JAZF1: variants seen among roughly 807,000 people sequenced by gnomAD.
JAZF1 encodes juxtaposed with another zinc finger protein 1.
A neutral mutation model predicts 26.4 loss-of-function variants in JAZF1; 8 were observed. The ratio of observed to expected loss-of-function variants is 0.30; its 90% CI spans 0.18 to 0.55. The LOEUF (loss-of-function observed/expected upper bound fraction) is 0.55. Ranked by LOEUF, JAZF1 falls within the 20% of genes least tolerant of loss-of-function variation. The probability of loss-of-function intolerance (pLI) is 0.94; values close to 1 mark genes in which losing one functional copy is unlikely to be tolerated. For synonymous variants in JAZF1, 126 were observed against 122.3 expected (o/e 1.03, Z -0.20); for missense variants, 199 against 322.0 (o/e 0.62, Z 2.92).
At chr7:28,158,245 G>A (rs988946467) in intron 1 of JAZF1, among the ~76,000 whole-genome samples, 1 of 151,020 alleles carries the variant, frequency 6.6e-6, no homozygotes, top group East Asian at 2.0e-4. Flanking sequence ...ATGCTGCCTG[G>A]GCCTCACCCA....
chr7:27,923,510 C>T (rs1266451459), intron 2 of JAZF1, among the ~76,000 whole-genome samples: 1 of 152,218 alleles, frequency 6.6e-6, no homozygotes, highest in African/African-American at 2.4e-5. Flanking sequence ...CTCCTTCATC[C>T]GGCTTATCTC....
At chr7:27,934,466 TAC>T (rs10578145) in intron 2 of JAZF1, among the ~76,000 whole-genome samples, 127,136 of 150,600 alleles carry the variant, frequency 0.84, 54,436 homozygotes, top group South Asian at 0.94. Flanking sequence ...TTACCATACA[TAC>T]ACACACACAC....
chr7:28,024,935 C>T (rs761415466), intron 1 of JAZF1, among the ~76,000 whole-genome samples: 13 of 152,202 alleles, frequency 8.5e-5, no homozygotes, highest in Non-Finnish European at 1.6e-4. Context: ...CCAGCAGAAT[C>T]ATAGACTGAG....
At chr7:28,005,330 T>C (rs574727435) in intron 1 of JAZF1, among the ~76,000 whole-genome samples, 7 of 152,172 alleles carry the variant, frequency 4.6e-5, no homozygotes, top group Admixed American at 3.9e-4. Context: ...TAGTTTTGTA[T>C]TTCGGAAGCC....
At chr7:28,092,653 G>A (rs1368474552) in intron 1 of JAZF1, among the ~76,000 whole-genome samples, 1 of 151,730 alleles carries the variant, frequency 6.6e-6, no homozygotes, top group African/African-American at 2.4e-5. Context: ...GTCCAGCCTG[G>A]GCAACATAGT....
At chr7:28,028,066 T>C (rs1783122795) in intron 1 of JAZF1, among the ~76,000 whole-genome samples, 1 of 152,226 alleles carries the variant, frequency 6.6e-6, no homozygotes. Context: ...ATTTGAAAGT[T>C]TGGTCTCAGG....
At chr7:28,179,455 G>T (rs1448343764) in intron 1 of JAZF1, among the ~76,000 whole-genome samples, 1 of 151,976 alleles carries the variant, frequency 6.6e-6, no homozygotes, top group Non-Finnish European at 1.5e-5. Flanking sequence ...GGGGCGCTGC[G>T]CAGGCCGCCG....
intron 1 of JAZF1, among the ~76,000 whole-genome samples, chr7:28,151,643 A>C (rs550998349): frequency 4.5e-4 from 69 of 151,990 alleles, no homozygotes; most frequent in Middle Eastern, 3.4e-3. Context: ...TCTACTAAAA[A>C]AATACAAAGT....
At chr7:27,990,618 C>A (rs1308935654) in intron 2 of JAZF1, among the ~76,000 whole-genome samples, 2 of 152,082 alleles carry the variant, frequency 1.3e-5, no homozygotes, top group Non-Finnish European at 2.9e-5. Context: ...TATTAGAAGT[C>A]CTATTCAATA....
At chr7:27,878,452 CT>C (rs1026656532) in intron 3 of JAZF1, among the ~76,000 whole-genome samples, 4 of 151,968 alleles carry the variant, frequency 2.6e-5, no homozygotes, top group African/African-American at 9.7e-5. Context: ...CTGTTTTTTT[CT>C]TGTCTTTCTA....
chr7:27,877,497 G>A (rs1445147848), intron 3 of JAZF1, among the ~76,000 whole-genome samples: 1 of 152,100 alleles, frequency 6.6e-6, no homozygotes, highest in Admixed American at 6.5e-5. Context: ...GGCCAATAGA[G>A]GTAGGTGGTT....
chr7:28,155,121 G>A (rs1412775090), intron 1 of JAZF1, among the ~76,000 whole-genome samples: 2 of 152,114 alleles, frequency 1.3e-5, no homozygotes, highest in Admixed American at 6.5e-5. Context: ...ATGATTGGGA[G>A]GGGGGATGGA....
intron 1 of JAZF1, among the ~76,000 whole-genome samples, chr7:28,135,580 A>G (rs554457435): frequency 1.3e-5 from 2 of 152,322 alleles, no homozygotes; most frequent in East Asian, 1.9e-4. Flanking sequence ...CCCCCCACAC[A>G]TGGACATCTG....
intron 1 of JAZF1, among the ~76,000 whole-genome samples, chr7:27,999,109 T>C (rs752761925): frequency 1.3e-5 from 2 of 152,196 alleles, no homozygotes; most frequent in Non-Finnish European, 2.9e-5. Flanking sequence ...CCATAATGGC[T>C]GCAAGATATG....
At chr7:28,155,277 TGAG>T (rs1173775518) in intron 1 of JAZF1, among the ~76,000 whole-genome samples, 1 of 152,226 alleles carries the variant, frequency 6.6e-6, no homozygotes, top group Admixed American at 6.5e-5. Context: ...GTGCAGAATA[TGAG>T]GAGAACTCAT....
chr7:27,878,804 T>G (rs1783722824), intron 3 of JAZF1, among the ~76,000 whole-genome samples: 2 of 152,210 alleles, frequency 1.3e-5, no homozygotes, highest in Non-Finnish European at 2.9e-5. Context: ...ACTATCATTT[T>G]AAAAGAGAGC....
intron 1 of JAZF1, among the ~76,000 whole-genome samples, chr7:28,033,336 G>A (rs1466828284): frequency 6.6e-6 from 1 of 152,172 alleles, no homozygotes; most frequent in East Asian, 1.9e-4. Flanking sequence ...AGGCTGGCAA[G>A]GTGGCAGAGG....
At chr7:27,916,731 A>G (rs1477835032) in intron 2 of JAZF1, among the ~76,000 whole-genome samples, 1 of 152,224 alleles carries the variant, frequency 6.6e-6, no homozygotes, top group Non-Finnish European at 1.5e-5. Context: ...ATACAGTGTG[A>G]AAAGGACATG....
At chr7:28,056,374 A>G (rs1023403567) in intron 1 of JAZF1, among the ~76,000 whole-genome samples, 1 of 151,866 alleles carries the variant, frequency 6.6e-6, no homozygotes, top group Non-Finnish European at 1.5e-5. Flanking sequence ...ATAAAAATTA[A>G]CTACAAGACT....
Sources: allele counts gnomAD v4.1 joint callset (sites outside exome capture counted in the v4.1 genomes callset), GRCh38; gene constraint gnomAD v4.1.1; transcripts MANE v1.5; gene names NCBI Gene and HGNC (gene_info 2026-07-23, HGNC 2026-07-21).